The following ZNF322 variants were observed in gnomAD, a reference collection of about 807,000 sequenced individuals.
ZNF322 encodes the protein HLA complex group 12.
In ZNF322, 1 loss-of-function variant was observed where a neutral mutation model predicts 18.3. The ratio of observed to expected loss-of-function variants is 0.05; its 90% CI spans 0.02 to 0.26. The LOEUF (loss-of-function observed/expected upper bound fraction) is 0.26. Ranked by LOEUF, ZNF322 falls within the 10% of genes least tolerant of loss-of-function variation. ZNF322 has a pLI of 1.00. For missense variants in ZNF322, 36 were observed against 403.6 expected (o/e 0.09, Z 7.80); for synonymous variants, 17 against 130.7 (o/e 0.13, Z 5.93).
chr6:26,643,849 T>G (rs1254359671), intron 2 of ZNF322, 121 bp from the exon 3 acceptor site: 5 of 152,286 alleles, frequency 3.3e-5, no homozygotes, highest in African/African-American at 1.2e-4. Context: ...TGGGTTTTCT[T>G]ATCTAATCCC....
chr6:26,658,199 TTAGA>T lies in ZNF322; in HGVS notation c.-246+355_-246+358del, dbSNP rs559685301. On this transcript the variant is annotated intron_variant, in intron 2 of 3. Coordinates refer to ENST00000415922, the MANE Select transcript of ZNF322 (RefSeq NM_024639.5). ...ATGGAAAACCTGATGCTTAGGGCAG[TTAGA>T]TAATCACCCAACAACTTACAAATAG... Among the ~76,000 whole-genome samples, 541 of 152,226 alleles carry T rather than the reference TTAGA, an allele frequency of 3.6e-3. 2 individuals carry two copies. Among genetic ancestry groups the T allele is most frequent in the African/African-American group, 0.013 (523 of 41,548 alleles).
At chr6:26,653,305 G>C (rs1280104462) in intron 2 of ZNF322, among the ~76,000 whole-genome samples, 1 of 152,078 alleles carries the variant, frequency 6.6e-6, no homozygotes, top group East Asian at 1.9e-4. Flanking sequence ...CGTCCGGAGG[G>C]GAATGTGGCA....
At chr6:26,653,319 T>C (rs1360081436) in intron 2 of ZNF322, among the ~76,000 whole-genome samples, 1 of 152,166 alleles carries the variant, frequency 6.6e-6, no homozygotes, top group Non-Finnish European at 1.5e-5. Context: ...TGTGGCAATA[T>C]GTAACAAAAC....
chr6:26,647,354 C>G (rs1554148805), intron 2 of ZNF322, among the ~76,000 whole-genome samples: 1 of 151,244 alleles, frequency 6.6e-6, no homozygotes, highest in African/African-American at 2.4e-5. Context: ...AACAAAAAGA[C>G]AGTAAATCTA....
intron 3 of ZNF322, among the ~76,000 whole-genome samples, chr6:26,642,687 T>C (rs1196842312): frequency 1.3e-5 from 2 of 152,200 alleles, no homozygotes; most frequent in Non-Finnish European, 2.9e-5. Context: ...GCATTACTCC[T>C]ATTTTCTTTT....
chr6:26,647,213 T>C (rs1001657902), intron 2 of ZNF322, among the ~76,000 whole-genome samples: 5 of 152,060 alleles, frequency 3.3e-5, no homozygotes, highest in African/African-American at 4.8e-5. Flanking sequence ...GGCAGTAGGA[T>C]TGTTTGAACC....
chr6:26,653,027 C>A (rs1006182800), intron 2 of ZNF322, among the ~76,000 whole-genome samples: 2 of 152,052 alleles, frequency 1.3e-5, no homozygotes, highest in Non-Finnish European at 2.9e-5. Context: ...CCAGTTCTCA[C>A]CAATTAAATC....
At chr6:26,649,707 T>A (rs1554149010) in intron 2 of ZNF322, among the ~76,000 whole-genome samples, 25 of 117,536 alleles carry the variant, frequency 2.1e-4, no homozygotes, top group Non-Finnish European at 2.9e-4. Context: ...ATATATTTTT[T>A]TTTTTTTTTT....
At chr6:26,649,709 T>A (rs1216870086) in intron 2 of ZNF322, among the ~76,000 whole-genome samples, 8 of 120,166 alleles carry the variant, frequency 6.7e-5, no homozygotes, top group Non-Finnish European at 1.4e-4. Context: ...ATATTTTTTT[T>A]TTTTTTTTTT....
intron 2 of ZNF322, among the ~76,000 whole-genome samples, chr6:26,646,253 T>C (rs1765557794): frequency 6.6e-6 from 1 of 152,044 alleles, no homozygotes; most frequent in Admixed American, 6.6e-5. Flanking sequence ...AACACACCTA[T>C]TAAAAGAAAG....
intron 3 of ZNF322, among the ~76,000 whole-genome samples, chr6:26,643,254 C>T (rs1765496328): frequency 1.3e-5 from 2 of 152,146 alleles, no homozygotes; most frequent in African/African-American, 4.8e-5. Flanking sequence ...ACTATTTTTT[C>T]AGATGTCAAT....
intron 1 of ZNF322, among the ~76,000 whole-genome samples, 166 bp downstream of exon 1, chr6:26,659,275 C>T (rs1765839089): frequency 6.6e-6 from 1 of 152,184 alleles, no homozygotes; most frequent in African/African-American, 2.4e-5. Context: ...AGGTTCTCTT[C>T]TTTCAACTTT....
At chr6:26,655,234 C>T (rs568547975) in intron 2 of ZNF322, among the ~76,000 whole-genome samples, 40 of 152,058 alleles carry the variant, frequency 2.6e-4, no homozygotes, top group Non-Finnish European at 4.9e-4. Context: ...TTGTCTTAAA[C>T]AACATGAGTG....
chr6:26,645,009 C>T (rs150676183), intron 2 of ZNF322, among the ~76,000 whole-genome samples: 121 of 152,292 alleles, frequency 7.9e-4, no homozygotes, highest in African/African-American at 2.8e-3. Context: ...GTTCCCCTCC[C>T]TGTGTCTAAC....
At chr6:26,644,382 T>C (rs922161634) in intron 2 of ZNF322, among the ~76,000 whole-genome samples, 2 of 152,202 alleles carry the variant, frequency 1.3e-5, no homozygotes, top group East Asian at 1.9e-4. Context: ...ATGGAACTAC[T>C]TGGACCCAGG....
At chr6:26,646,316 G>A (rs1225227159) in intron 2 of ZNF322, among the ~76,000 whole-genome samples, 2 of 152,022 alleles carry the variant, frequency 1.3e-5, no homozygotes, top group Admixed American at 6.6e-5. Context: ...AAATACAAGA[G>A]ACACCTAAAG....
intron 2 of ZNF322, among the ~76,000 whole-genome samples, chr6:26,654,412 G>C (rs1765727894): frequency 1.3e-5 from 2 of 152,010 alleles, no homozygotes; most frequent in African/African-American, 4.8e-5. Context: ...AAAGAATCAA[G>C]ACTCTTTGGA....
intron 3 of ZNF322, among the ~76,000 whole-genome samples, chr6:26,640,253 C>A (rs1170065202): frequency 6.6e-6 from 1 of 152,196 alleles, no homozygotes; most frequent in Non-Finnish European, 1.5e-5. Flanking sequence ...TCCAATTAAA[C>A]AATCAACCCT....
intron 3 of ZNF322, 101 bp from the exon 4 acceptor site, chr6:26,638,829 C>A (rs1235436192): frequency 2.7e-6 from 1 of 369,750 alleles, no homozygotes; most frequent in Non-Finnish European, 4.8e-6. Flanking sequence ...TATCAGAGTC[C>A]CTAAGTCTTC....
Sources: allele counts gnomAD v4.1 joint callset (sites outside exome capture counted in the v4.1 genomes callset), GRCh38; gene constraint gnomAD v4.1.1; transcripts MANE v1.5; gene names NCBI Gene and HGNC (gene_info 2026-07-23, HGNC 2026-07-21).